RCAN2: variants seen among roughly 807,000 people sequenced by gnomAD.
RCAN2 encodes the protein calcipressin-2.
RCAN2 carries 9 observed loss-of-function variants against 23.6 expected under a neutral mutation model. That is an observed-to-expected ratio of 0.38 (90% CI 0.23 to 0.67). RCAN2 has a LOEUF of 0.67. Ranked by LOEUF, RCAN2 falls within the 30% of genes least tolerant of loss-of-function variation. RCAN2 has a pLI of 0.51. For missense variants in RCAN2, 273 were observed against 302.3 expected (o/e 0.90, Z 0.72); for synonymous variants, 109 against 115.7 (o/e 0.94, Z 0.37).
chr6:46,239,042 C>T (rs182060337), intron 4 of RCAN2, among the ~76,000 whole-genome samples: 7 of 152,332 alleles, frequency 4.6e-5, no homozygotes, highest in Admixed American at 3.3e-4. Context: ...GAAACTTCCT[C>T]AAGGTCACAG....
intron 2 of RCAN2, among the ~76,000 whole-genome samples, chr6:46,405,784 T>C (rs989191081): frequency 5.9e-5 from 9 of 152,112 alleles, no homozygotes; most frequent in Non-Finnish European, 1.2e-4. Flanking sequence ...AGCCCTTGGG[T>C]GGTCCATGGG....
chr6:46,422,399 A>G (rs890379132), intron 2 of RCAN2, among the ~76,000 whole-genome samples: 1 of 152,340 alleles, frequency 6.6e-6, no homozygotes, highest in East Asian at 1.9e-4. Context: ...TCTTTTCTTT[A>G]TCAATTATCC....
chr6:46,366,709 C>A (rs894202223), intron 2 of RCAN2, among the ~76,000 whole-genome samples: 5 of 151,906 alleles, frequency 3.3e-5, no homozygotes, highest in Non-Finnish European at 5.9e-5. Context: ...CAGCAGGAAT[C>A]CTGGTAGGCC....
chr6:46,384,835 G>A (rs949099120), intron 2 of RCAN2, among the ~76,000 whole-genome samples: 1 of 152,174 alleles, frequency 6.6e-6, no homozygotes, highest in Non-Finnish European at 1.5e-5. Context: ...TCTCTATGGC[G>A]AAAGGAGTGT....
chr6:46,379,944 A>C (rs1329491648), intron 2 of RCAN2, among the ~76,000 whole-genome samples: 1 of 152,202 alleles, frequency 6.6e-6, no homozygotes, highest in Non-Finnish European at 1.5e-5. Flanking sequence ...TAAAGGACAG[A>C]AGCTTTAGAA....
rs79588237 is a variant in RCAN2 at position 46,463,163 on chromosome 6, T to C, written c.-2-6185A>G. ...ATGGCCAATTCTGGGTACTGTCCAC[T>C]ACAGAAACACTGAGTCTTTCAAAGG... is the stretch of plus-strand genomic sequence containing the variant. On this transcript the variant is annotated intron_variant, in intron 1 of 4. Coordinates refer to ENST00000371374, the MANE Select transcript of RCAN2 (RefSeq NM_001251974.2). 1.8e-3 allele frequency among the ~76,000 whole-genome samples: 272 copies of C among 152,342 alleles called. 2 individuals are homozygous for C. Among genetic ancestry groups the C allele is most frequent in the African/African-American group, 6.2e-3 (256 of 41,568 alleles).
intron 2 of RCAN2, among the ~76,000 whole-genome samples, chr6:46,419,056 A>G (rs1470854834): frequency 6.6e-6 from 1 of 152,184 alleles, no homozygotes; most frequent in East Asian, 1.9e-4. Flanking sequence ...TAATTTGGCT[A>G]CAATCTGTGC....
At chr6:46,425,704 G>A (rs982811359) in intron 2 of RCAN2, among the ~76,000 whole-genome samples, 1 of 151,828 alleles carries the variant, frequency 6.6e-6, no homozygotes, top group East Asian at 1.9e-4. Flanking sequence ...TATAATTTAT[G>A]TGCCTACTTA....
At chr6:46,307,953 T>C (rs1231352352) in intron 2 of RCAN2, among the ~76,000 whole-genome samples, 2 of 152,190 alleles carry the variant, frequency 1.3e-5, no homozygotes, top group Non-Finnish European at 2.9e-5. Flanking sequence ...ACAGTAATTA[T>C]ACTTTCTATT....
At chr6:46,243,200 C>T (rs755052574) in intron 4 of RCAN2, among the ~76,000 whole-genome samples, 9 of 152,228 alleles carry the variant, frequency 5.9e-5, no homozygotes, top group Admixed American at 1.3e-4. Flanking sequence ...TTTAATTTAA[C>T]GTCTGATATT....
intron 2 of RCAN2, among the ~76,000 whole-genome samples, chr6:46,387,054 G>C (rs1440654986): frequency 6.6e-6 from 1 of 152,160 alleles, no homozygotes; most frequent in Non-Finnish European, 1.5e-5. Context: ...GCCATATGTA[G>C]AAAGTTGAAA....
chr6:46,297,511 C>G (rs1362382479), intron 2 of RCAN2, among the ~76,000 whole-genome samples: 3 of 152,062 alleles, frequency 2.0e-5, no homozygotes, highest in African/African-American at 7.2e-5. Context: ...ATAGACACCC[C>G]CCGCTTTGCC....
At chr6:46,263,477 G>GTGTGTGTGTGTA (rs1767189622) in intron 2 of RCAN2, among the ~76,000 whole-genome samples, 1 of 14,916 alleles carries the variant, frequency 6.7e-5, no homozygotes, top group African/African-American at 1.6e-4. Flanking sequence ...GTGTGTGTAT[G>GTGTGTGTGTGTA]TGTGTGTGTG....
intron 2 of RCAN2, among the ~76,000 whole-genome samples, chr6:46,340,556 G>A (rs1010852882): frequency 2.6e-5 from 4 of 152,166 alleles, no homozygotes; most frequent in African/African-American, 9.7e-5. Flanking sequence ...GGAGCGAAGT[G>A]TTGAAGATGG....
At chr6:46,355,628 G>A (rs1295616275) in intron 2 of RCAN2, among the ~76,000 whole-genome samples, 1 of 152,164 alleles carries the variant, frequency 6.6e-6, no homozygotes, top group Admixed American at 6.5e-5. Context: ...CCAAATCTCA[G>A]TGTCACAAAG....
chr6:46,446,590 C>T (rs1229895271), intron 2 of RCAN2, among the ~76,000 whole-genome samples: 3 of 152,106 alleles, frequency 2.0e-5, no homozygotes, highest in Non-Finnish European at 2.9e-5. Flanking sequence ...ACGTAAGTCA[C>T]TTATATCTTT....
chr6:46,423,799 T>C (rs574340587), intron 2 of RCAN2, among the ~76,000 whole-genome samples: 83 of 152,218 alleles, frequency 5.5e-4, no homozygotes, highest in Non-Finnish European at 9.4e-4. Flanking sequence ...CATAATCTGA[T>C]GATGCAGTAA....
intron 1 of RCAN2, among the ~76,000 whole-genome samples, chr6:46,480,775 A>G (rs955155845): frequency 7.9e-5 from 12 of 152,128 alleles, no homozygotes; most frequent in African/African-American, 2.9e-4. Flanking sequence ...ACAGGCACCC[A>G]TCACCACACC....
intron 1 of RCAN2, among the ~76,000 whole-genome samples, chr6:46,476,681 A>C (rs1768721887): frequency 6.6e-6 from 1 of 152,174 alleles, no homozygotes; most frequent in Non-Finnish European, 1.5e-5. Flanking sequence ...GAGTAATAGG[A>C]GTATCTTTTG....
Sources: gnomAD v4.1 joint callset for allele counts (sites outside exome capture counted in the v4.1 genomes callset) on GRCh38, gnomAD v4.1.1 for gene constraint, MANE v1.5 for transcripts, NCBI Gene and HGNC (gene_info 2026-07-23, HGNC 2026-07-21) for gene names.